The following RBFOX3 variants were observed in gnomAD, a reference collection of about 807,000 sequenced individuals.
RBFOX3 encodes RNA binding protein fox-1 homolog 3.
RBFOX3 carries 17 observed loss-of-function variants against 48.7 expected under a neutral mutation model. The ratio of observed to expected loss-of-function variants is 0.35; its 90% confidence interval spans 0.24 to 0.52. The LOEUF (loss-of-function observed/expected upper bound fraction) is 0.52, where lower values mean the gene tolerates loss of function less well. Ranked by LOEUF, RBFOX3 falls within the 20% of genes least tolerant of loss-of-function variation. The pLI is 0.94. For missense variants in RBFOX3, 382 were observed against 497.5 expected (o/e 0.77, Z 2.21); for synonymous variants, 212 against 209.5 (o/e 1.01, Z -0.10).
In RBFOX3 at chr17:79,096,920, A is replaced by G. The variant is rs2075376888; in HGVS notation, c.756-87T>C. On this transcript the variant is annotated intron_variant, in intron 11 of 14. Transcript: ENST00000693108. ...CGGGGCCCATAGCCCACCCGACCCC[A>G]GGCAGCTGTGCCCCCCACCCCTTTA... 3 of 609,802 alleles carry G rather than the reference A, an allele frequency of 4.9e-6. No individual in the cohort carries two copies. The Admixed American group carries it at 8.7e-5, about 18-fold the overall frequency. 37.8% of individuals were successfully genotyped at this position (609,802 alleles called of 1,614,324 possible). A position where few individuals can be genotyped will look rare whatever the true frequency, so the allele number is the denominator to read the frequency against.
intron 2 of RBFOX3, among the ~76,000 whole-genome samples, chr17:79,422,893 C>T (rs1190433042): frequency 6.6e-6 from 1 of 152,144 alleles, no homozygotes; most frequent in African/African-American, 2.4e-5. Context: ...GGGCGATATG[C>T]ACTCTCTCTT....
At chr17:79,610,013 G>C (rs1460727402) in intron 1 of RBFOX3, among the ~76,000 whole-genome samples, 1 of 151,930 alleles carries the variant, frequency 6.6e-6, no homozygotes, top group African/African-American at 2.4e-5. Flanking sequence ...GGTGGCCGAG[G>C]CTTCAGAGAG....
intron 2 of RBFOX3, among the ~76,000 whole-genome samples, chr17:79,338,599 T>C (rs755083214): frequency 3.3e-5 from 5 of 152,194 alleles, no homozygotes; most frequent in Non-Finnish European, 5.9e-5. Flanking sequence ...GTCATCTGCA[T>C]TGGTTTTCAG....
At chr17:79,567,702 G>T in intron 1 of RBFOX3, among the ~76,000 whole-genome samples, 1 of 152,258 alleles carries the variant, frequency 6.6e-6, no homozygotes, top group African/African-American at 2.4e-5. Context: ...CTCCTTGTCC[G>T]TACCTCTTAG....
At chr17:79,397,266 A>G (rs1463503787) in intron 2 of RBFOX3, among the ~76,000 whole-genome samples, 1 of 152,150 alleles carries the variant, frequency 6.6e-6, no homozygotes, top group African/African-American at 2.4e-5. Context: ...GCGGATCATG[A>G]GGTCAAGAGA....
At chr17:79,341,548 G>A (rs1188499519) in intron 2 of RBFOX3, among the ~76,000 whole-genome samples, 1 of 152,134 alleles carries the variant, frequency 6.6e-6, no homozygotes, top group East Asian at 1.9e-4. Context: ...GCTGAGGCTA[G>A]GCAGCATGGC....
chr17:79,184,734 C>T (rs1248774925), intron 4 of RBFOX3, among the ~76,000 whole-genome samples: 3 of 152,250 alleles, frequency 2.0e-5, no homozygotes, highest in Non-Finnish European at 2.9e-5. Flanking sequence ...GCACTTGTGA[C>T]TCCCCTCCTC....
At chr17:79,304,347 T>A (rs561073765) in intron 3 of RBFOX3, among the ~76,000 whole-genome samples, 3 of 151,444 alleles carry the variant, frequency 2.0e-5, no homozygotes, top group Admixed American at 1.3e-4. Context: ...TGTATATATA[T>A]ACACACACGT....
intron 14 of RBFOX3, chr17:79,092,114 G>A: frequency 1.0e-6 from 1 of 985,546 alleles, no homozygotes; most frequent in Non-Finnish European, 1.2e-6. Flanking sequence ...CAGGGTGCTG[G>A]ACACTAGGGC....
chr17:79,551,553 G>A (rs2091160870), intron 1 of RBFOX3, among the ~76,000 whole-genome samples: 1 of 151,088 alleles, frequency 6.6e-6, no homozygotes, highest in African/African-American at 2.4e-5. Flanking sequence ...GTGGATGGAT[G>A]GGCAGATGGA....
chr17:79,212,266 T>C lies in RBFOX3; in HGVS notation c.-34+23500A>G, dbSNP rs2058477997. 6.6e-6 allele frequency among the ~76,000 whole-genome samples: 1 copy of C among 152,086 alleles called. No individual in the cohort carries two copies. The highest frequency in any genetic ancestry group is 2.4e-5 in the African/African-American group (1 of 41,418). On this transcript the variant is annotated intron_variant, in intron 4 of 14. Coordinates refer to ENST00000693108, the MANE Select transcript of RBFOX3 (RefSeq NM_001350451.2). This position sits in a 1 kb window ranked among gnomAD's most constrained non-coding sequence, Gnocchi z 4.7. ...GCCCTGGGTTCTTCCAGGCTGGGGC[T>C]GGGGCTGGGGCAGGGCTGCTCCGCC... is the stretch of plus-strand genomic sequence containing the variant.
chr17:79,328,844 C>T (rs149074304), intron 2 of RBFOX3, among the ~76,000 whole-genome samples: 10 of 152,264 alleles, frequency 6.6e-5, no homozygotes, highest in Non-Finnish European at 1.2e-4. Context: ...CAGGGTTAGC[C>T]GTGGTTGCCC....
At chr17:79,248,754 TGGG>T (rs2063517423) in intron 3 of RBFOX3, among the ~76,000 whole-genome samples, 1 of 152,156 alleles carries the variant, frequency 6.6e-6, no homozygotes, top group South Asian at 2.1e-4. Context: ...GCTGAGGCAA[TGGG>T]GGTCCCCGTT....
rs2061521123 is a variant in RBFOX3, at chr17:79,392,875, G to A, written c.-174-85051C>T. On this transcript the variant is annotated intron_variant, in intron 2 of 14. Transcript: ENST00000693108. The surrounding 1 kb of genome is among the most constrained non-coding windows in gnomAD (Gnocchi z 5.0). ...CTGACTCCTGCAGAGCTTCTCTGAG[G>A]AGAAAGGATTCCTTCTCATTTATCC... 6.6e-6 allele frequency among the ~76,000 whole-genome samples: 1 copy of A among 152,196 alleles called. No homozygotes were observed. Among genetic ancestry groups the A allele is most frequent in the South Asian group, 2.1e-4 (1 of 4,830 alleles).
At chr17:79,407,820 C>T (rs1453963533) in intron 2 of RBFOX3, among the ~76,000 whole-genome samples, 1 of 152,154 alleles carries the variant, frequency 6.6e-6, no homozygotes, top group Non-Finnish European at 1.5e-5. Context: ...TGTGAAAAAC[C>T]CCTGTTCTCA....
Position 79,160,183 on chromosome 17 carries a change from G to A in RBFOX3, c.-33-44435C>T, listed in dbSNP as rs147847288. Among the ~76,000 whole-genome samples, 160 of 152,352 alleles carry A rather than the reference G, an allele frequency of 1.1e-3. 5 individuals carry two copies. In the East Asian group the frequency reaches 0.028, roughly 26 times the overall value. ...AGCAGACATAGCTCCAGGCCGGGAGGAAAAATCCATGTGTGATTCATGATG... is the reference window on the plus strand; with the variant it reads ...AGCAGACATAGCTCCAGGCCGGGAGAAAAAATCCATGTGTGATTCATGATG... On this transcript the variant is annotated intron_variant, in intron 4 of 14. Transcript: ENST00000693108.
chr17:79,629,940 C>T, the RBFOX3 span, among the ~76,000 whole-genome samples: 1 of 152,222 alleles, frequency 6.6e-6, no homozygotes, highest in Non-Finnish European at 1.5e-5. Context: ...GGACACACTC[C>T]TGGGCCTGGC....
chr17:79,298,397 G>C (rs1300798162), intron 3 of RBFOX3: 1 of 152,228 alleles, frequency 6.6e-6, no homozygotes, highest in African/African-American at 2.4e-5. Context: ...GAGAGTTGTG[G>C]CTAGCTTCTC....
chr17:79,132,327 G>A (rs1284979312), intron 4 of RBFOX3, among the ~76,000 whole-genome samples: 1 of 152,170 alleles, frequency 6.6e-6, no homozygotes, highest in African/African-American at 2.4e-5. Context: ...CTTAGGGTAA[G>A]CAAAGGAGCT....
Sources: allele counts gnomAD v4.1 joint callset (sites outside exome capture counted in the v4.1 genomes callset), GRCh38; gene constraint gnomAD v4.1.1; non-coding constraint Gnocchi (gnomAD v3.1); transcripts MANE v1.5; gene names NCBI Gene and HGNC (gene_info 2026-07-23, HGNC 2026-07-21).